ZDHHC11: variants seen among roughly 807,000 people sequenced by gnomAD.
The protein encoded by ZDHHC11 is zDHHC palmitoyltransferase 11.
A neutral mutation model predicts 51.3 loss-of-function variants in ZDHHC11; 44 were observed. That is an observed-to-expected ratio of 0.86 (90% CI 0.67 to 1.10). ZDHHC11 has a LOEUF of 1.10. Among genes scored for constraint, ZDHHC11 ranks in the 50% least tolerant of loss-of-function variants. The probability of loss-of-function intolerance (pLI) is 0.00; values close to 1 mark genes in which losing one functional copy is unlikely to be tolerated. For synonymous variants in ZDHHC11, 163 were observed against 222.0 expected, an observed-to-expected ratio of 0.73 and a Z score of 2.36; for missense variants, 400 against 537.7, an observed-to-expected ratio of 0.74 and a Z score of 2.53.
intron 1 of ZDHHC11, among the ~76,000 whole-genome samples, chr5:857,186 C>A (rs1056112436): frequency 6.6e-6 from 1 of 152,174 alleles, no homozygotes; most frequent in Non-Finnish European, 1.5e-5. Flanking sequence ...GCTGGATGGG[C>A]CCCCCTGTGT....
chr5:837,542 C>G (rs984456720), intron 5 of ZDHHC11, 62 bp from the exon 6 acceptor site: 1 of 1,552,032 alleles, frequency 6.4e-7, no homozygotes, highest in Non-Finnish European at 8.9e-7. Flanking sequence ...ACGGCGCCCA[C>G]AGGACAGCTC....
chr5:859,919 G>A (rs770084789), upstream of ZDHHC11, among the ~76,000 whole-genome samples: 1 of 152,210 alleles, frequency 6.6e-6, no homozygotes, highest in Non-Finnish European at 1.5e-5. Context: ...GACTTTGGGG[G>A]TGAGGACGGG....
At chr5:817,870 T>C (rs1561247802) in intron 10 of ZDHHC11, among the ~76,000 whole-genome samples, 1 of 151,250 alleles carries the variant, frequency 6.6e-6, no homozygotes. Context: ...CAGGGTGTCT[T>C]CTATGGACAA....
At chr5:833,722 T>C (rs1219324130) in intron 7 of ZDHHC11, 51 bp downstream of exon 7, 1 of 967,354 alleles carries the variant, frequency 1.0e-6, no homozygotes, top group Non-Finnish European at 1.6e-6. Context: ...AAGAAAAGAA[T>C]ACAGCTATTC....
chr5:819,417 G>A, intron 10 of ZDHHC11, 108 bp downstream of exon 10: 1 of 1,200,882 alleles, frequency 8.3e-7, no homozygotes, highest in South Asian at 1.3e-5. Flanking sequence ...CTTGGACACA[G>A]AGTGCTTCCC....
At chr5:824,059 T>C (rs1304801805) in intron 8 of ZDHHC11, 1 of 455,054 alleles carries the variant, frequency 2.2e-6, no homozygotes, top group African/African-American at 2.0e-5. Flanking sequence ...AGGAGCCTGT[T>C]CCCTGAAATC....
At chr5:820,552 T>C (rs1741432372) in intron 9 of ZDHHC11, among the ~76,000 whole-genome samples, 1 of 151,224 alleles carries the variant, frequency 6.6e-6, no homozygotes, top group African/African-American at 2.4e-5. Context: ...TGCCGGTGTC[T>C]GTGAGGGGTG....
chr5:859,590 C>T (rs576037769), upstream of ZDHHC11, among the ~76,000 whole-genome samples: 44 of 152,298 alleles, frequency 2.9e-4, no homozygotes, highest in Admixed American at 2.2e-3. Flanking sequence ...GCCACCGTGG[C>T]TCTCACTGAC....
At chr5:802,649 G>C (rs1201033719) in intron 11 of ZDHHC11, among the ~76,000 whole-genome samples, 1 of 149,934 alleles carries the variant, frequency 6.7e-6, no homozygotes, top group South Asian at 2.1e-4. Context: ...TCTGCAACCT[G>C]GTCAGACATC....
At chr5:828,469 CCCTCCCGGACGGGGGA>C (rs954819341) in intron 7 of ZDHHC11, among the ~76,000 whole-genome samples, 1 of 151,312 alleles carries the variant, frequency 6.6e-6, no homozygotes, top group Non-Finnish European at 1.5e-5. Context: ...CCCCCCACCT[CCCTCCCGGACGGGGGA>C]CCTGCCAAAT....
intron 9 of ZDHHC11, among the ~76,000 whole-genome samples, chr5:819,915 C>T (rs965527436): frequency 5.3e-5 from 8 of 151,304 alleles, no homozygotes; most frequent in African/African-American, 1.9e-4. Context: ...TAGTGTCCTC[C>T]GTTAGTGTAG....
chr5:845,236 T>G (rs1376116881), intron 3 of ZDHHC11, among the ~76,000 whole-genome samples: 1 of 152,290 alleles, frequency 6.6e-6, no homozygotes, highest in African/African-American at 2.4e-5. Flanking sequence ...CAGCAGCCCC[T>G]CCAGGCAGCG....
chr5:816,337 G>A (rs2150322081), intron 10 of ZDHHC11: 3 of 355,700 alleles, frequency 8.4e-6, no homozygotes, highest in Non-Finnish European at 1.6e-5. Context: ...GAGACTCAGA[G>A]GCGGACAGAT....
intron 3 of ZDHHC11, among the ~76,000 whole-genome samples, chr5:845,212 T>C (rs1249934459): frequency 2.0e-5 from 3 of 152,404 alleles, no homozygotes; most frequent in African/African-American, 4.8e-5. Context: ...CTCTCACAGC[T>C]TAGGTTTCCC....
At chr5:855,716 A>C (rs1218748181), upstream of ZDHHC11, among the ~76,000 whole-genome samples, 5 of 147,842 alleles carry the variant, frequency 3.4e-5, no homozygotes, top group Admixed American at 6.7e-5. Flanking sequence ...GACAGACCCC[A>C]CAGAGGACAG....
intron 9 of ZDHHC11, among the ~76,000 whole-genome samples, chr5:820,691 G>GT (rs1475767635): frequency 6.6e-6 from 1 of 151,376 alleles, no homozygotes; most frequent in Non-Finnish European, 1.5e-5. Flanking sequence ...TGGAAAGTGT[G>GT]TAACTAATGT....
At chr5:824,269 G>A (rs1741974543) in intron 8 of ZDHHC11, among the ~76,000 whole-genome samples, 1 of 150,920 alleles carries the variant, frequency 6.6e-6, no homozygotes, top group African/African-American at 2.4e-5. Flanking sequence ...AACAAGCCTG[G>A]ACAATAGAGT....
At chr5:821,983 G>T in intron 8 of ZDHHC11, 88 bp from the exon 9 acceptor site, 1 of 1,227,124 alleles carries the variant, frequency 8.1e-7, no homozygotes, top group South Asian at 1.4e-5. Flanking sequence ...AGTCAGTTCT[G>T]ACAGTCACTT....
rs1428085760 is a variant in ZDHHC11 at position 837,365 on chromosome 5, C to A, written c.900G>T (p.Gln300His). ...PYVQMDKGVL[Q>H]QGAGALGSSA... ...AATGGAGCAGAGAGACAGGTGGTAC[C>A]TGGAGAACTCCTTTGTCCATTTGCA... Residue 300 changes from glutamine to histidine, a missense_variant and splice_region_variant, in exon 6 of 13, where the codon CAG becomes CAT. Physicochemically the swap from Gln to His is conservative, Grantham distance 24. Coordinates refer to ENST00000283441, the MANE Select transcript of ZDHHC11 (RefSeq NM_024786.3). The A allele has an allele frequency of 6.2e-7, 1 of 1,613,840 alleles. No homozygotes were observed. Among genetic ancestry groups the A allele is most frequent in the South Asian group, 1.1e-5 (1 of 91,078 alleles).
Sources: allele counts gnomAD v4.1 joint callset (sites outside exome capture counted in the v4.1 genomes callset), GRCh38; gene constraint gnomAD v4.1.1; transcripts MANE v1.5; gene names NCBI Gene and HGNC (gene_info 2026-07-23, HGNC 2026-07-21).